CNTN5: variants seen among roughly 807,000 people sequenced by gnomAD.
CNTN5 encodes contactin 5.
A neutral mutation model predicts 129.1 loss-of-function variants in CNTN5; 77 were observed. The ratio of observed to expected loss-of-function variants is 0.60; its 90% CI spans 0.50 to 0.72. The LOEUF is 0.72. Among genes scored for constraint, CNTN5 ranks in the 30% least tolerant of loss-of-function variants. The pLI is 0.00. For synonymous variants in CNTN5, 509 were observed against 465.6 expected, an observed-to-expected ratio of 1.09 and a Z score of -1.20; for missense variants, 1,478 against 1,328.8, an observed-to-expected ratio of 1.11 and a Z score of -1.75.
chr11:99,389,270 C>T (rs1941107145), intron 2 of CNTN5, among the ~76,000 whole-genome samples: 1 of 152,012 alleles, frequency 6.6e-6, no homozygotes, highest in African/African-American at 2.4e-5. Flanking sequence ...TCAGGTGATC[C>T]ACCTGTCTCA....
intron 18 of CNTN5, among the ~76,000 whole-genome samples, chr11:100,291,621 G>T (rs1246884810): frequency 2.0e-5 from 3 of 151,956 alleles, no homozygotes; most frequent in African/African-American, 7.2e-5. Flanking sequence ...GGAAGGGGGA[G>T]GGATAGCATT....
At chr11:100,062,324 A>T (rs1249233406) in intron 10 of CNTN5, among the ~76,000 whole-genome samples, 1 of 152,194 alleles carries the variant, frequency 6.6e-6, no homozygotes, top group Non-Finnish European at 1.5e-5. Context: ...AATGCCCTTT[A>T]CAGGAACTCC....
intron 8 of CNTN5, among the ~76,000 whole-genome samples, chr11:99,981,076 G>GAATATATATATATATA (rs1385717951): frequency 9.7e-3 from 118 of 12,114 alleles, no homozygotes; most frequent in Admixed American, 0.026. Flanking sequence ...AGAGCCAATA[G>GAATATATATATATATA]GATATATATA....
intron 1 of CNTN5, among the ~76,000 whole-genome samples, chr11:99,222,419 A>G (rs1312778407): frequency 6.6e-6 from 1 of 151,974 alleles, no homozygotes; most frequent in Non-Finnish European, 1.5e-5. Context: ...TAATAGTGTC[A>G]AAAAACTCAC....
chr11:100,106,314 G>A (rs545773694), intron 13 of CNTN5, among the ~76,000 whole-genome samples: 13 of 152,222 alleles, frequency 8.5e-5, no homozygotes, highest in African/African-American at 2.4e-4. Context: ...ATTCTTAACC[G>A]GCATATGATA....
chr11:99,368,187 A>G (rs1340704189), intron 2 of CNTN5, among the ~76,000 whole-genome samples: 1 of 151,242 alleles, frequency 6.6e-6, no homozygotes, highest in African/African-American at 2.4e-5. Flanking sequence ...CCATTTTACT[A>G]TTACCATATT....
chr11:99,492,961 C>T (rs949514545), intron 2 of CNTN5, among the ~76,000 whole-genome samples: 10 of 151,986 alleles, frequency 6.6e-5, no homozygotes, highest in African/African-American at 2.2e-4. Flanking sequence ...AGGAAAAGTC[C>T]CTCTGGAATG....
intron 3 of CNTN5, among the ~76,000 whole-genome samples, chr11:99,817,668 T>G (rs911214205): frequency 6.9e-6 from 1 of 145,132 alleles, no homozygotes; most frequent in African/African-American, 2.5e-5. Context: ...AGCAATAGAT[T>G]GCACTGAGAA....
At chr11:99,566,212 A>G (rs1424779275) in intron 3 of CNTN5, among the ~76,000 whole-genome samples, 6 of 152,082 alleles carry the variant, frequency 3.9e-5, no homozygotes, top group Admixed American at 2.0e-4. Context: ...CTGGTTGTTT[A>G]AAAGAGTGTG....
chr11:99,109,393 G>T (rs187456723), intron 1 of CNTN5, among the ~76,000 whole-genome samples: 11 of 152,118 alleles, frequency 7.2e-5, no homozygotes, highest in Admixed American at 5.2e-4. Context: ...TTCATATGGT[G>T]CTTACAGTAT....
intron 8 of CNTN5, among the ~76,000 whole-genome samples, chr11:99,959,608 T>G (rs1390038450): frequency 1.3e-5 from 2 of 152,216 alleles, no homozygotes; most frequent in Non-Finnish European, 2.9e-5. Flanking sequence ...GTTTTGGTCA[T>G]TATGTTAATT....
rs1161183246 is a variant in CNTN5 at position 99,598,424 on chromosome 11, T to TCCTC, written c.55+42171_55+42174dup. Among the ~76,000 whole-genome samples the TCCTC allele has an allele frequency of 9.7e-3, 1,045 of 108,194 alleles. 48 individuals are homozygous for TCCTC. Among genetic ancestry groups the TCCTC allele is most frequent in the African/African-American group, 0.04 (958 of 24,094 alleles). The allele number at this position is 108,194 out of a possible 152,430, so 71.0% of individuals were successfully genotyped here. ...TCCCTCCCTCTCTCCCTCCCTTCCT[T>TCCTC]CCTCCCTCCCTCCCTCCCTTCCTTC... On this transcript the variant is annotated intron_variant, in intron 3 of 24. Coordinates refer to ENST00000524871, the MANE Select transcript of CNTN5 (RefSeq NM_014361.4).
intron 8 of CNTN5, among the ~76,000 whole-genome samples, chr11:99,957,890 T>C (rs1317443556): frequency 6.6e-6 from 1 of 151,946 alleles, no homozygotes; most frequent in African/African-American, 2.4e-5. Context: ...TATGTTTATA[T>C]GTATATATAT....
intron 2 of CNTN5, among the ~76,000 whole-genome samples, chr11:99,374,987 A>G (rs1940075149): frequency 6.6e-6 from 1 of 152,156 alleles, no homozygotes; most frequent in Admixed American, 6.5e-5. Context: ...AGAGGAATCA[A>G]AAGGAAACTA....
At chr11:100,078,545 T>C (rs1944238020) in intron 13 of CNTN5, among the ~76,000 whole-genome samples, 2 of 152,160 alleles carry the variant, frequency 1.3e-5, no homozygotes, top group African/African-American at 4.8e-5. Flanking sequence ...GCGTTTATGA[T>C]TTGCAAAGCA....
intron 6 of CNTN5, among the ~76,000 whole-genome samples, chr11:99,855,772 C>G (rs1051537107): frequency 6.6e-6 from 1 of 152,114 alleles, no homozygotes; most frequent in African/African-American, 2.4e-5. Context: ...AATTTAGAGT[C>G]TGCACTCTCA....
At chr11:99,850,052 A>G (rs756232716) in intron 6 of CNTN5, among the ~76,000 whole-genome samples, 11 of 152,142 alleles carry the variant, frequency 7.2e-5, no homozygotes, top group Non-Finnish European at 1.3e-4. Context: ...ATGCAATCAT[A>G]GTGTTCTGCA....
At chr11:99,438,614 T>C (rs1407909515) in intron 2 of CNTN5, among the ~76,000 whole-genome samples, 1 of 152,142 alleles carries the variant, frequency 6.6e-6, no homozygotes, top group Non-Finnish European at 1.5e-5. Context: ...TTTATAAATA[T>C]ATTTATGTTA....
At chr11:99,918,480 A>G (rs2136022223) in intron 7 of CNTN5, among the ~76,000 whole-genome samples, 1 of 152,280 alleles carries the variant, frequency 6.6e-6, no homozygotes, top group South Asian at 2.1e-4. Context: ...CTTTTGTCAA[A>G]TGTTTTATGT....
Sources: gnomAD v4.1 joint callset for allele counts (sites outside exome capture counted in the v4.1 genomes callset) on GRCh38, gnomAD v4.1.1 for gene constraint, MANE v1.5 for transcripts, NCBI Gene and HGNC (gene_info 2026-07-23, HGNC 2026-07-21) for gene names.